Variants in NPAS3 observed in about 807,000 individuals in gnomAD.
NPAS3 encodes neuronal PAS domain-containing protein 3.
A neutral mutation model predicts 73.1 loss-of-function variants in NPAS3; 14 were observed. The ratio of observed to expected loss-of-function variants is 0.19; its 90% CI spans 0.13 to 0.30. The LOEUF is 0.30. NPAS3 is among the 10% of genes least tolerant of loss of function. The pLI is 1.00. For synonymous variants in NPAS3, 620 were observed against 541.5 expected, an observed-to-expected ratio of 1.14 and a Z score of -2.01; for missense variants, 1,096 against 1,250.0, an observed-to-expected ratio of 0.88 and a Z score of 1.86.
At chr14:32,961,623 G>T (rs925232164) in intron 1 of NPAS3, among the ~76,000 whole-genome samples, 1 of 151,958 alleles carries the variant, frequency 6.6e-6, no homozygotes. Context: ...CATGATCATT[G>T]TCATCATCCT....
chr14:33,198,508 A>G (rs2046470870), intron 2 of NPAS3, among the ~76,000 whole-genome samples: 1 of 152,218 alleles, frequency 6.6e-6, no homozygotes, highest in South Asian at 2.1e-4. Flanking sequence ...AACTAGACAC[A>G]GAGCACTGAT....
intron 4 of NPAS3, among the ~76,000 whole-genome samples, chr14:33,466,208 A>G (rs560407944): frequency 6.6e-5 from 10 of 152,238 alleles, no homozygotes; most frequent in African/African-American, 2.4e-4. Context: ...AGGGTGTGAA[A>G]CCTGGTAAAG....
chr14:33,761,969 C>T (rs560931306), intron 7 of NPAS3, among the ~76,000 whole-genome samples: 3 of 152,320 alleles, frequency 2.0e-5, no homozygotes, highest in Non-Finnish European at 2.9e-5. Flanking sequence ...AGAAGGTCTG[C>T]TCCAGAGGTC....
intron 5 of NPAS3, among the ~76,000 whole-genome samples, chr14:33,651,093 C>A (rs973024369): frequency 1.3e-5 from 2 of 152,248 alleles, no homozygotes; most frequent in African/African-American, 4.8e-5. Context: ...AGGTCAACAA[C>A]CATCTCTCTG....
At chr14:33,079,565 G>A (rs527828043) in intron 2 of NPAS3, among the ~76,000 whole-genome samples, 89 of 110,324 alleles carry the variant, frequency 8.1e-4, no homozygotes, top group Non-Finnish European at 1.2e-3. Flanking sequence ...TAATTCACCC[G>A]CCTCGGCCTC....
chr14:33,655,539 G>A (rs575089583), intron 5 of NPAS3, among the ~76,000 whole-genome samples: 102 of 152,192 alleles, frequency 6.7e-4, no homozygotes, highest in African/African-American at 2.1e-3. Flanking sequence ...ATATATGACT[G>A]TAAGAGAATG....
intron 4 of NPAS3, among the ~76,000 whole-genome samples, chr14:33,533,866 C>T (rs1328325399): frequency 1.3e-5 from 2 of 152,006 alleles, no homozygotes; most frequent in African/African-American, 4.8e-5. Context: ...ATACATATCA[C>T]ATGTCATATA....
At chr14:33,478,014 G>T (rs2051126286) in intron 4 of NPAS3, among the ~76,000 whole-genome samples, 1 of 152,162 alleles carries the variant, frequency 6.6e-6, no homozygotes. Flanking sequence ...ATGTGGGCAT[G>T]TGGAAGCCCT....
intron 2 of NPAS3, among the ~76,000 whole-genome samples, chr14:33,143,491 C>T (rs1201791378): frequency 7.1e-6 from 1 of 140,524 alleles, no homozygotes; most frequent in Non-Finnish European, 1.6e-5. Context: ...AACTCTGTCT[C>T]AAAAAAAAAA....
chr14:33,038,158 G>T (rs983003659), intron 1 of NPAS3, among the ~76,000 whole-genome samples: 1 of 152,126 alleles, frequency 6.6e-6, no homozygotes, highest in Non-Finnish European at 1.5e-5. Flanking sequence ...TTCCCCCTAG[G>T]GATGAAGGCT....
intron 4 of NPAS3, among the ~76,000 whole-genome samples, chr14:33,519,886 T>C (rs1374767288): frequency 6.6e-6 from 1 of 152,008 alleles, no homozygotes; most frequent in Non-Finnish European, 1.5e-5. Flanking sequence ...AGATACCTCC[T>C]TGGGAGGTAC....
chr14:33,206,905 G>A (rs532777234), intron 2 of NPAS3, among the ~76,000 whole-genome samples: 2 of 152,230 alleles, frequency 1.3e-5, no homozygotes, highest in South Asian at 2.1e-4. Context: ...CTGCAGAGAT[G>A]CTCTGACCCT....
intron 9 of NPAS3, among the ~76,000 whole-genome samples, chr14:33,786,659 C>T (rs956686341): frequency 2.0e-5 from 3 of 152,230 alleles, no homozygotes; most frequent in South Asian, 4.1e-4. Context: ...CTGTTGTAAA[C>T]TTATTAGTGA....
At chr14:33,002,391 G>C (rs2038840349) in intron 1 of NPAS3, among the ~76,000 whole-genome samples, 2 of 152,184 alleles carry the variant, frequency 1.3e-5, no homozygotes, top group South Asian at 4.1e-4. Flanking sequence ...GAGGCAATTG[G>C]GAGCCATTGA....
At chr14:32,941,879 G>T (rs1049991063) in intron 1 of NPAS3, among the ~76,000 whole-genome samples, 1 of 152,248 alleles carries the variant, frequency 6.6e-6, no homozygotes, top group South Asian at 2.1e-4. Flanking sequence ...ATGCCCCAAG[G>T]GTTCACTTTG....
At chr14:33,362,616 A>T (rs1275195854) in intron 3 of NPAS3, among the ~76,000 whole-genome samples, 2 of 151,998 alleles carry the variant, frequency 1.3e-5, no homozygotes, top group Non-Finnish European at 2.9e-5. Context: ...CCCTTCCCCC[A>T]GGCTCAGTGT....
intron 4 of NPAS3, among the ~76,000 whole-genome samples, chr14:33,442,458 G>A (rs572076390): frequency 2.0e-5 from 3 of 152,104 alleles, no homozygotes; most frequent in Non-Finnish European, 4.4e-5. Context: ...CAGGTGATAC[G>A]GTTTGGCTGT....
intron 4 of NPAS3, among the ~76,000 whole-genome samples, chr14:33,392,376 T>A (rs1001766332): frequency 2.0e-5 from 3 of 152,152 alleles, no homozygotes; most frequent in Non-Finnish European, 2.9e-5. Context: ...ACTTTATAGA[T>A]AATAGAAAAA....
intron 4 of NPAS3, among the ~76,000 whole-genome samples, chr14:33,546,404 A>C (rs141516269): frequency 2.9e-4 from 44 of 152,314 alleles, no homozygotes; most frequent in Non-Finnish European, 5.7e-4. Flanking sequence ...AATCCGTTCA[A>C]ACTTCCTAAT....
Sources: allele counts gnomAD v4.1 joint callset (sites outside exome capture counted in the v4.1 genomes callset), GRCh38; gene constraint gnomAD v4.1.1; transcripts MANE v1.5; gene names NCBI Gene and HGNC (gene_info 2026-07-23, HGNC 2026-07-21).